The following WDR59 variants were observed in gnomAD, a reference collection of about 807,000 sequenced individuals.
WDR59 encodes the protein WD repeat domain 59.
WDR59 carries 100 observed loss-of-function variants against 131.2 expected under a neutral mutation model. The observed-to-expected ratio is 0.76, with a 90% CI of 0.65 to 0.90. WDR59 has a LOEUF of 0.90. Ranked by LOEUF, WDR59 falls within the 40% of genes least tolerant of loss-of-function variation. The pLI is 0.00. For synonymous variants in WDR59, 601 were observed against 466.2 expected (o/e 1.29, Z -3.72); for missense variants, 1,203 against 1,262.2 (o/e 0.95, Z 0.71).
At chr16:74,889,304 G>T (rs991357176) in intron 21 of WDR59, among the ~76,000 whole-genome samples, 22 of 151,888 alleles carry the variant, frequency 1.4e-4, no homozygotes, top group African/African-American at 5.1e-4. Context: ...GGGTGAAAGC[G>T]TCGTGGTCTT....
At chr16:74,887,388 T>A (rs1051809761) in intron 23 of WDR59, among the ~76,000 whole-genome samples, 1 of 151,962 alleles carries the variant, frequency 6.6e-6, no homozygotes, top group Admixed American at 6.6e-5. Context: ...GGAAAGAGCA[T>A]GTGAAGGAGA....
chr16:74,952,445 C>CAAAA (rs61448932), intron 3 of WDR59, among the ~76,000 whole-genome samples: 1,383 of 60,334 alleles, frequency 0.023, no homozygotes, highest in African/African-American at 0.026. Flanking sequence ...CCATCTCAAA[C>CAAAA]AAAAAAAAAA....
chr16:74,964,624 TAGAAA>T (rs1411990777), intron 2 of WDR59, among the ~76,000 whole-genome samples: 2 of 152,054 alleles, frequency 1.3e-5, no homozygotes, highest in African/African-American at 4.8e-5. Flanking sequence ...ATGAAGCTGA[TAGAAA>T]AGAAAATATT....
At chr16:74,901,062 C>T (rs950567599) in intron 18 of WDR59, among the ~76,000 whole-genome samples, 1 of 152,224 alleles carries the variant, frequency 6.6e-6, no homozygotes, top group Non-Finnish European at 1.5e-5. Context: ...CGCGCCTTTG[C>T]ACTCCAGCCT....
intron 1 of WDR59, among the ~76,000 whole-genome samples, chr16:74,968,357 T>C (rs1414477570): frequency 6.6e-6 from 1 of 152,178 alleles, no homozygotes; most frequent in East Asian, 1.9e-4. Flanking sequence ...TGAGACAGCA[T>C]GTAGGAGCTG....
At chr16:74,912,147 C>A in intron 14 of WDR59, 51 bp downstream of exon 14, 2 of 1,612,454 alleles carry the variant, frequency 1.2e-6, no homozygotes, top group Non-Finnish European at 1.7e-6. Context: ...ACTAATCCAT[C>A]TAGACAATGA....
chr16:74,965,674 T>C (rs189037047), intron 2 of WDR59, 99 bp downstream of exon 2: 1 of 1,429,144 alleles, frequency 7.0e-7, no homozygotes, highest in African/African-American at 1.4e-5. Context: ...CCTATGATCA[T>C]AATCCGTAAA....
At position 74,916,197 on chromosome 16, in the gene WDR59, C is replaced by T. The variant is rs745811290; in HGVS notation, c.1029G>A (p.Pro343=). 6 of 1,613,972 alleles carry T rather than the reference C, an allele frequency of 3.7e-6. No homozygotes were observed. Among genetic ancestry groups the T allele is most frequent in the Admixed American group, 1.7e-5 (1 of 60,000 alleles). Residue 343 remains proline (P), a synonymous_variant, in exon 12 of 26, where the codon CCG becomes CCA. Transcript: ENST00000262144. ...CAGTGTGCAGGGTCTTCTCAGGTTCCGGCAGAAGGGAAATACTCTCAATGA... is the reference window on the plus strand; with the variant it reads ...CAGTGTGCAGGGTCTTCTCAGGTTCTGGCAGAAGGGAAATACTCTCAATGA... The part of the protein sequence containing the change: ...DEFIESISLL[P]EPEKTLHTED...
chr16:74,913,932 C>T (rs1399845717), intron 13 of WDR59, among the ~76,000 whole-genome samples: 1 of 152,206 alleles, frequency 6.6e-6, no homozygotes, highest in African/African-American at 2.4e-5. Flanking sequence ...TTTGGCTGGG[C>T]ACAGTGGCTC....
intron 22 of WDR59, 36 bp downstream of exon 22, chr16:74,888,133 A>G: frequency 6.5e-7 from 1 of 1,548,340 alleles, no homozygotes; most frequent in Non-Finnish European, 8.7e-7. Context: ...AAAAAAAAAA[A>G]AAAAATCAGA....
chr16:74,922,294 A>G (rs1019488748), intron 9 of WDR59, among the ~76,000 whole-genome samples, 191 bp from the exon 10 acceptor site: 1 of 152,240 alleles, frequency 6.6e-6, no homozygotes, highest in African/African-American at 2.4e-5. Context: ...TGCTTATGGA[A>G]GGGACCAAAG....
In WDR59 at chr16:74,871,570, A is replaced by G. The variant is rs1964012533; in HGVS notation, c.*2639T>C. On this transcript the variant is annotated 3_prime_UTR_variant, in exon 26 of 26. Transcript: ENST00000262144. ...TTTCTTCACACCATTAAGGTTTTTC[A>G]ATTTTGAAAGTCAATGTTCCTCCAA... 1 of 152,218 alleles carries G rather than the reference A, an allele frequency of 6.6e-6. No individual in the cohort carries two copies. The highest frequency in any genetic ancestry group is 1.9e-4 in the East Asian group (1 of 5,202). The allele number at this position is 152,218 out of a possible 1,614,324, so 9.4% of individuals were successfully genotyped here. A position where few individuals can be genotyped will look rare whatever the true frequency, so the allele number is the denominator to read the frequency against.
chr16:74,948,617 T>C, intron 5 of WDR59, 61 bp from the exon 6 acceptor site: 1 of 1,370,378 alleles, frequency 7.3e-7, no homozygotes, highest in Non-Finnish European at 1.0e-6. Flanking sequence ...ACCTGGTATT[T>C]TTCACCCTTT....
chr16:74,893,654 A>T (rs1167486950), intron 19 of WDR59, 25 bp downstream of exon 19: 1 of 1,611,892 alleles, frequency 6.2e-7, no homozygotes, highest in Non-Finnish European at 8.5e-7. Flanking sequence ...TGATGAGTGC[A>T]GCAGACTTGA....
chr16:74,959,674 G>A (rs1046360612), intron 2 of WDR59: 1 of 346,680 alleles, frequency 2.9e-6, no homozygotes, highest in South Asian at 2.4e-5. Flanking sequence ...CCCAGCTACT[G>A]AGAAGGCTGA....
chr16:74,877,694 G>A (rs1293651931), intron 25 of WDR59, among the ~76,000 whole-genome samples: 1 of 152,114 alleles, frequency 6.6e-6, no homozygotes, highest in Non-Finnish European at 1.5e-5. Context: ...ACAGGCGCCT[G>A]CCAACATGCC....
At position 74,965,787 on chromosome 16, in the gene WDR59, A is replaced by G; in HGVS notation, c.90T>C (p.His30=). 1.2e-6 allele frequency: 2 copies of G among 1,614,132 alleles called. No homozygotes were observed. Among genetic ancestry groups the G allele is most frequent in the Non-Finnish European group, 1.7e-6 (2 of 1,179,994 alleles). Residue 30 remains histidine, a synonymous_variant, in exon 2 of 26, where the codon CAT becomes CAC. Transcript: ENST00000262144. The stretch of plus-strand genomic sequence containing the variant: ...AGCTTACTTACCCAGAAAGCACTGC[A>G]TGCTGCCCAAGACAGTCCACAGACA... ...TAMSVDCLGQ[H]AVLSGRRFLY... is the part of the protein sequence containing the mutation.
Position 74,985,073 on chromosome 16 carries a change from C to T in WDR59, c.-56G>A. 1 of 1,502,976 alleles carries T rather than the reference C, an allele frequency of 6.7e-7. No homozygotes were observed. Among genetic ancestry groups the T allele is most frequent in the Non-Finnish European group, 9.1e-7 (1 of 1,103,788 alleles). The allele number at this position is 1,502,976 out of a possible 1,614,324, so 93.1% of individuals were successfully genotyped here. ...CGGCGCCCTCCCACCCCGCCGTCCC[C>T]AGTATCCCGGGACCGTGCGCCCCAC... On this transcript the variant is annotated 5_prime_UTR_variant, in exon 1 of 26. Coordinates refer to ENST00000262144, the MANE Select transcript of WDR59 (RefSeq NM_030581.4).
chr16:74,927,568 A>G (rs1279412848), intron 8 of WDR59, among the ~76,000 whole-genome samples: 2 of 142,826 alleles, frequency 1.4e-5, no homozygotes, highest in South Asian at 4.8e-4. Context: ...AGCCTGGGCA[A>G]TAGAGCGAGA....
Sources: allele counts gnomAD v4.1 joint callset (sites outside exome capture counted in the v4.1 genomes callset), GRCh38; gene constraint gnomAD v4.1.1; transcripts MANE v1.5; gene names NCBI Gene and HGNC (gene_info 2026-07-23, HGNC 2026-07-21).